RFTN2: variants seen among roughly 807,000 people sequenced by gnomAD.
RFTN2 encodes the protein raftlin family member 2, also known as raftlin-2.
RFTN2 carries 34 observed loss-of-function variants against 52.7 expected under a neutral mutation model. That is an observed-to-expected ratio of 0.64 (90% CI 0.49 to 0.86). RFTN2 has a LOEUF of 0.86. Ranked by LOEUF, RFTN2 falls within the 40% of genes least tolerant of loss-of-function variation. The probability of loss-of-function intolerance (pLI) is 0.00; values close to 1 mark genes in which losing one functional copy is unlikely to be tolerated. For missense variants in RFTN2, 536 were observed against 600.1 expected (o/e 0.89, Z 1.12); for synonymous variants, 203 against 217.7 (o/e 0.93, Z 0.59).
At chr2:197,635,369 C>G (rs2088548612) in intron 3 of RFTN2, among the ~76,000 whole-genome samples, 1 of 152,190 alleles carries the variant, frequency 6.6e-6, no homozygotes, top group Admixed American at 6.5e-5. Flanking sequence ...TAAAAGTGTT[C>G]CTATTTCTCC....
intron 5 of RFTN2, among the ~76,000 whole-genome samples, chr2:197,627,858 T>C (rs2088391594): frequency 1.3e-5 from 2 of 152,008 alleles, no homozygotes; most frequent in South Asian, 4.2e-4. Flanking sequence ...AGAAAACTTT[T>C]TGAACATCTG....
rs186578855 is a variant in RFTN2, at chr2:197,580,283, T to C, written c.1234-8003A>G. Among the ~76,000 whole-genome samples, 26 of 152,334 alleles carry C rather than the reference T, an allele frequency of 1.7e-4. No homozygotes were observed. In the East Asian group the frequency reaches 3.7e-3, roughly 21 times the overall value. ...AAGAGTTGCAATTACTTGCCTCTGC[T>C]GTGAGAGAAACCCCAGCCACATCTC... On this transcript the variant is annotated intron_variant, in intron 8 of 8. Coordinates refer to ENST00000295049, the MANE Select transcript of RFTN2 (RefSeq NM_144629.3).
intron 7 of RFTN2, among the ~76,000 whole-genome samples, chr2:197,607,048 C>T (rs1370987447): frequency 6.6e-6 from 1 of 152,136 alleles, no homozygotes; most frequent in Non-Finnish European, 1.5e-5. Context: ...TATTGTGGGA[C>T]TATTCACAAT....
intron 7 of RFTN2, among the ~76,000 whole-genome samples, chr2:197,612,589 T>C (rs994085045): frequency 5.9e-5 from 9 of 152,230 alleles, no homozygotes; most frequent in Non-Finnish European, 1.3e-4. Context: ...ATTGAGCCCA[T>C]TGGTATTATT....
intron 8 of RFTN2, among the ~76,000 whole-genome samples, chr2:197,579,590 C>A (rs184576618): frequency 6.6e-6 from 1 of 152,132 alleles, no homozygotes; most frequent in East Asian, 1.9e-4. Flanking sequence ...AGATGCCTGA[C>A]GTCCAGGCAT....
chr2:197,649,575 C>T (rs1411064127), intron 1 of RFTN2, among the ~76,000 whole-genome samples: 2 of 152,172 alleles, frequency 1.3e-5, no homozygotes, highest in Non-Finnish European at 2.9e-5. Flanking sequence ...GGCCTTGCTG[C>T]TCTTGCTGAC....
At chr2:197,634,673 T>G (rs1382916594) in intron 3 of RFTN2, among the ~76,000 whole-genome samples, 1 of 151,562 alleles carries the variant, frequency 6.6e-6, no homozygotes, top group African/African-American at 2.4e-5. Context: ...TTTTGGGAAC[T>G]TAAGAATGCT....
At chr2:197,644,067 C>T in intron 3 of RFTN2, 91 bp downstream of exon 3, 6 of 813,534 alleles carry the variant, frequency 7.4e-6, no homozygotes, top group South Asian at 6.9e-5. Flanking sequence ...CTGTCATTTC[C>T]TTATTCTTTT....
intron 7 of RFTN2, among the ~76,000 whole-genome samples, chr2:197,604,225 T>C: frequency 6.6e-6 from 1 of 152,204 alleles, no homozygotes; most frequent in East Asian, 1.9e-4. Context: ...GGTATTTATC[T>C]AACAAAGCTA....
At chr2:197,620,088 T>A (rs1178384357) in intron 5 of RFTN2, among the ~76,000 whole-genome samples, 1 of 152,010 alleles carries the variant, frequency 6.6e-6, no homozygotes, top group Non-Finnish European at 1.5e-5. Flanking sequence ...CATAAAACTG[T>A]TAATATTTGA....
chr2:197,630,863 T>C (rs2088457426), intron 5 of RFTN2, 148 bp downstream of exon 5: 1 of 639,208 alleles, frequency 1.6e-6, no homozygotes, highest in Non-Finnish European at 2.8e-6. Flanking sequence ...AAATTAAAGC[T>C]ACATATCTGT....
Position 197,633,954 on chromosome 2 carries a change from A to C in RFTN2, c.482T>G (p.Ile161Arg). 1 of 1,613,282 alleles carries C rather than the reference A, an allele frequency of 6.2e-7. No homozygotes were observed. Among genetic ancestry groups the C allele is most frequent in the South Asian group, 1.1e-5 (1 of 90,962 alleles). Residue 161 changes from isoleucine to arginine, a missense_variant, in exon 4 of 9, where the codon ATA (isoleucine) becomes AGA (arginine). Coordinates refer to ENST00000295049, the MANE Select transcript of RFTN2 (RefSeq NM_144629.3). ...AKRGMKFVGF[I>R]SQHYSPSKFC... ...TTTAGATGGAGAATAATGCTGTGAT[A>C]TGAATCCAACAAATTTCATTCCTCT...
chr2:197,587,253 G>A (rs971172437), intron 8 of RFTN2, among the ~76,000 whole-genome samples: 5 of 151,946 alleles, frequency 3.3e-5, no homozygotes, highest in African/African-American at 2.4e-5. Flanking sequence ...GCAGCCCTGA[G>A]AAACATCGCC....
intron 1 of RFTN2, among the ~76,000 whole-genome samples, chr2:197,647,145 C>T (rs147604695): frequency 2.0e-5 from 3 of 152,212 alleles, no homozygotes; most frequent in African/African-American, 7.2e-5. Context: ...ATATTGAAGA[C>T]ATACATAGGA....
In RFTN2 at chr2:197,646,562, C is replaced by G. The variant is rs1448376712; in HGVS notation, c.244G>C (p.Val82Leu). The G allele has an allele frequency of 1.2e-6, 2 of 1,613,756 alleles. No homozygotes were observed. The highest frequency in any genetic ancestry group is 8.5e-7 in the Non-Finnish European group (1 of 1,179,692). Residue 82 changes from valine to leucine, a missense_variant, in exon 2 of 9, where the codon GTT (valine) becomes CTT (leucine). By Grantham distance (32) the Val-to-Leu change is conservative (BLOSUM62 1). Coordinates refer to ENST00000295049, the MANE Select transcript of RFTN2 (RefSeq NM_144629.3). ...KGYIVGAIHP[V>L]IQPVGQRKHL... is the part of the protein sequence containing the mutation. ...TTTCGCTGCCCCACAGGTTGTATAA[C>G]AGGATGAATAGCCCCGACAATATAT... is the stretch of plus-strand genomic sequence containing the variant.
intron 3 of RFTN2, among the ~76,000 whole-genome samples, chr2:197,640,774 T>C (rs937355631): frequency 1.3e-5 from 2 of 152,232 alleles, no homozygotes; most frequent in African/African-American, 2.4e-5. Context: ...GAATGCTTAT[T>C]TTTACACTCA....
At position 197,633,755 on chromosome 2, in the gene RFTN2, A is replaced by G. The variant is rs1473671452; in HGVS notation, c.681T>C (p.Asn227=). ...TTGATTTAGAGGAAGTAGGGCTGCCATTTTGTTCCATTTGATACTGTCCAC... is the reference window on the plus strand; with the variant it reads ...TTGATTTAGAGGAAGTAGGGCTGCCGTTTTGTTCCATTTGATACTGTCCAC... The part of the protein sequence containing the change: ...HESGQYQMEQ[N]GSPTSSKSRK... The change falls in exon 4 of 9, where the codon AAT becomes AAC. Residue 227 remains asparagine (N), a synonymous_variant. Transcript: ENST00000295049. 1.2e-6 allele frequency: 2 copies of G among 1,613,562 alleles called. No individual in the cohort carries two copies. Among genetic ancestry groups the G allele is most frequent in the Admixed American group, 3.3e-5 (2 of 59,966 alleles).
intron 3 of RFTN2, among the ~76,000 whole-genome samples, chr2:197,636,257 T>C (rs1272701481): frequency 6.9e-6 from 1 of 145,654 alleles, no homozygotes; most frequent in Admixed American, 6.9e-5. Flanking sequence ...TTAAAGTAGT[T>C]TTTTCCAATT....
At chr2:197,654,668 G>A (rs2088868791) in intron 1 of RFTN2, among the ~76,000 whole-genome samples, 1 of 152,052 alleles carries the variant, frequency 6.6e-6, no homozygotes, top group Non-Finnish European at 1.5e-5. Context: ...TGACACCAGA[G>A]GGAATAAAAT....
Sources: allele counts gnomAD v4.1 joint callset (sites outside exome capture counted in the v4.1 genomes callset), GRCh38; gene constraint gnomAD v4.1.1; transcripts MANE v1.5; gene names NCBI Gene and HGNC (gene_info 2026-07-23, HGNC 2026-07-21).